DHRSX: variants seen among roughly 807,000 people sequenced by gnomAD.
DHRSX encodes the protein polyprenol dehydrogenase.
In DHRSX, 31 loss-of-function variants were observed where a neutral mutation model predicts 34.0. The ratio of observed to expected loss-of-function variants is 0.91; its 90% confidence interval spans 0.69 to 1.23. The LOEUF (loss-of-function observed/expected upper bound fraction) is 1.23. DHRSX is among the 50% of genes most tolerant of loss of function. The pLI, the probability that DHRSX is intolerant of heterozygous loss-of-function variation, is 0.00. For missense variants in DHRSX, 414 were observed against 428.1 expected, an observed-to-expected ratio of 0.97 and a Z score of 0.29; for synonymous variants, 201 against 183.8, an observed-to-expected ratio of 1.09 and a Z score of -0.76.
intron 5 of DHRSX, among the ~76,000 whole-genome samples, chrX:2,265,057 C>T (rs771989742): frequency 1.0e-3 from 152 of 148,784 alleles, no homozygotes; most frequent in South Asian, 8.9e-3. Flanking sequence ...ACACAGGGAG[C>T]ACTGTCCCCA....
chrX:2,237,459 A>C (rs1176944524), intron 6 of DHRSX, among the ~76,000 whole-genome samples: 8 of 151,520 alleles, frequency 5.3e-5, no homozygotes. Flanking sequence ...GCTGGACATG[A>C]GCCCTGAATG....
chrX:2,262,518 C>T (rs1175620478), intron 5 of DHRSX, among the ~76,000 whole-genome samples: 2 of 152,162 alleles, frequency 1.3e-5, no homozygotes, highest in Admixed American at 6.5e-5. Context: ...CATATGGGCA[C>T]GCATGCACCT....
At chrX:2,237,057 G>A (rs1287396897) in intron 6 of DHRSX, among the ~76,000 whole-genome samples, 1 of 151,964 alleles carries the variant, frequency 6.6e-6, no homozygotes, top group Non-Finnish European at 1.5e-5. Context: ...GGCGTGCTGG[G>A]AGGTAGCTGA....
At chrX:2,439,980 G>C (rs2044042596) in intron 1 of DHRSX, among the ~76,000 whole-genome samples, 1 of 152,056 alleles carries the variant, frequency 6.6e-6, no homozygotes. Context: ...CATTAAAATG[G>C]GTCCACGGAT....
At position 2,459,602 on chromosome X, in the gene DHRSX, T is replaced by TAC. The variant is rs1207047065; in HGVS notation, c.110-34300_110-34299dup. On this transcript the variant is annotated intron_variant, in intron 1 of 6. Transcript: ENST00000334651. ...TATACACACACATACAATATATATA[T>TAC]ACACACACACACAATTATTTTTTGT... Among the ~76,000 whole-genome samples the TAC allele has an allele frequency of 7.4e-5, 11 of 148,946 alleles. No homozygotes were observed. The East Asian group carries it at 9.8e-4, about 13-fold the overall frequency.
intron 6 of DHRSX, among the ~76,000 whole-genome samples, chrX:2,236,903 G>C (rs2016029283): frequency 6.6e-6 from 1 of 151,914 alleles, no homozygotes; most frequent in South Asian, 2.1e-4. Flanking sequence ...AAAAGAAATG[G>C]GGGGGCTGGG....
intron 1 of DHRSX, among the ~76,000 whole-genome samples, chrX:2,495,136 CTAT>C (rs199925971): frequency 4.7e-5 from 7 of 149,550 alleles, no homozygotes; most frequent in African/African-American, 7.4e-5. Context: ...ATCATTATTA[CTAT>C]TATTATTATT....
At chrX:2,396,802 T>C (rs2043417958) in intron 3 of DHRSX, among the ~76,000 whole-genome samples, 1 of 151,144 alleles carries the variant, frequency 6.6e-6, no homozygotes, top group African/African-American at 2.4e-5. Flanking sequence ...TTCACTCTTG[T>C]TGCCCAGGCC....
chrX:2,417,177 A>T (rs2043705391), intron 2 of DHRSX, among the ~76,000 whole-genome samples: 1 of 152,218 alleles, frequency 6.6e-6, no homozygotes, highest in African/African-American at 2.4e-5. Flanking sequence ...CTTTCTGTTT[A>T]TCTCAAGAAA....
intron 1 of DHRSX, among the ~76,000 whole-genome samples, chrX:2,469,133 C>CA (rs2044547618): frequency 6.7e-6 from 1 of 149,234 alleles, no homozygotes; most frequent in African/African-American, 2.5e-5. Flanking sequence ...CCTAACAATG[C>CA]GCCCAAGGGA....
intron 3 of DHRSX, among the ~76,000 whole-genome samples, chrX:2,303,156 T>C (rs1044077926): frequency 5.9e-5 from 9 of 152,278 alleles, no homozygotes; most frequent in Non-Finnish European, 7.4e-5. Flanking sequence ...AACTAGAAGA[T>C]GCATTTTTCT....
chrX:2,453,711 A>T (rs2044257302), intron 1 of DHRSX, among the ~76,000 whole-genome samples: 2 of 151,472 alleles, frequency 1.3e-5, no homozygotes, highest in African/African-American at 4.8e-5. Context: ...TTTCAGTTAG[A>T]TAAAACAAAT....
chrX:2,440,130 G>C (rs1191684701), intron 1 of DHRSX, among the ~76,000 whole-genome samples: 3 of 152,196 alleles, frequency 2.0e-5, no homozygotes, highest in African/African-American at 7.2e-5. Context: ...AGTAGCATCT[G>C]TCAGCAAAGT....
At chrX:2,223,129 C>A (rs2015558525) in intron 6 of DHRSX, among the ~76,000 whole-genome samples, 1 of 152,058 alleles carries the variant, frequency 6.6e-6, no homozygotes, top group Non-Finnish European at 1.5e-5. Flanking sequence ...TGTGTCCCCA[C>A]CCAAATTTCA....
intron 1 of DHRSX, chrX:2,486,403 G>A (rs1369083873): frequency 1.3e-5 from 2 of 152,150 alleles, no homozygotes; most frequent in Non-Finnish European, 2.9e-5. Flanking sequence ...AGTCCAGACG[G>A]ACACGCGGCA....
At chrX:2,240,505 T>C (rs768961722) in intron 6 of DHRSX, among the ~76,000 whole-genome samples, 162 of 151,434 alleles carry the variant, frequency 1.1e-3, no homozygotes, top group African/African-American at 3.9e-3. Flanking sequence ...GAAAAGAGAA[T>C]TTGTAACCAA....
intron 1 of DHRSX, chrX:2,489,531 G>A: frequency 6.2e-7 from 1 of 1,612,970 alleles, no homozygotes; most frequent in Non-Finnish European, 8.5e-7. Flanking sequence ...AGCTCCACCA[G>A]CCCCTCGATG....
chrX:2,310,528 CTGTGTGTGTGTGTATATGTG>C (rs1569486647), intron 3 of DHRSX, among the ~76,000 whole-genome samples: 1 of 149,236 alleles, frequency 6.7e-6, no homozygotes, highest in Non-Finnish European at 1.5e-5. Flanking sequence ...CGAGATTATT[CTGTGTGTGTGTGTATATGTG>C]TGTGTGTGTG....
At chrX:2,250,855 T>G (rs901839890) in intron 5 of DHRSX, among the ~76,000 whole-genome samples, 2 of 151,956 alleles carry the variant, frequency 1.3e-5, no homozygotes, top group African/African-American at 4.8e-5. Flanking sequence ...CTCTGAAAAA[T>G]TTAGGGGATT....
Sources: gnomAD v4.1 joint callset for allele counts (sites outside exome capture counted in the v4.1 genomes callset) on GRCh38, gnomAD v4.1.1 for gene constraint, MANE v1.5 for transcripts, NCBI Gene and HGNC (gene_info 2026-07-23, HGNC 2026-07-21) for gene names.